The following DSTYK variants were observed in gnomAD, a reference collection of about 807,000 sequenced individuals.
DSTYK encodes RIP-homologous kinase.
Under a neutral mutation model 98.7 loss-of-function variants are expected in DSTYK, and 34 were observed. That is an observed-to-expected ratio of 0.34 (90% CI 0.26 to 0.46). The LOEUF is 0.46. Ranked by LOEUF, DSTYK falls within the 20% of genes least tolerant of loss-of-function variation. The pLI is 1.00. For missense variants in DSTYK, 962 were observed against 1,181.7 expected, an observed-to-expected ratio of 0.81 and a Z score of 2.73; for synonymous variants, 462 against 457.3, an observed-to-expected ratio of 1.01 and a Z score of -0.13.
chr1:205,197,467 T>G (rs962817546), intron 1 of DSTYK, among the ~76,000 whole-genome samples: 1 of 152,176 alleles, frequency 6.6e-6, no homozygotes, highest in Non-Finnish European at 1.5e-5. Context: ...CTTTTATTGT[T>G]CTCGCAACAC....
At position 205,187,660 on chromosome 1, in the gene DSTYK, G is replaced by A; in HGVS notation, c.412C>T (p.Pro138Ser). 1.2e-6 allele frequency: 2 copies of A among 1,614,202 alleles called. No individual in the cohort carries two copies. Among genetic ancestry groups the A allele is most frequent in the Non-Finnish European group, 1.7e-6 (2 of 1,180,038 alleles). ...TCCTCACTGCCCAGCTTGGTGGTGG[G>A]AAGCACCTGCACCCCCAACAGCAGA... ...LNLLLGVQVL[P>S]TTKLGSEESC... Residue 138 changes from proline to serine, a missense_variant, in exon 2 of 13, where the codon CCC becomes TCC. Physicochemically the swap from Pro to Ser is moderately conservative, Grantham distance 74. This residue lies in a region of DSTYK where 660 missense variants were observed against 855.0 expected (regional missense o/e 0.77). Transcript: ENST00000367162.
rs750177698 is a variant in DSTYK at position 205,190,445 on chromosome 1, C to T, written c.266-2639G>A. 9.2e-4 allele frequency among the ~76,000 whole-genome samples: 140 copies of T among 151,834 alleles called. 1 individual carries two copies. Among genetic ancestry groups the T allele is most frequent in the Non-Finnish European group, 1.8e-3 (124 of 67,932 alleles). ...TCCGAAACCAGCCTGGCCAACATGG[C>T]GAAACCCTGATTCTATTAAAAATAC... is the stretch of plus-strand genomic sequence containing the variant. On this transcript the variant is annotated intron_variant, in intron 1 of 12. Transcript: ENST00000367162.
In DSTYK at chr1:205,144,617, T is replaced by A. The variant is rs1657169698; in HGVS notation, c.*2941A>T. 6.6e-6 allele frequency: 1 copy of A among 152,664 alleles called. No individual in the cohort carries two copies. Among genetic ancestry groups the A allele is most frequent in the South Asian group, 2.1e-4 (1 of 4,836 alleles). 9.5% of individuals were successfully genotyped at this position (152,664 alleles called of 1,614,324 possible). On this transcript the variant is annotated 3_prime_UTR_variant, in exon 13 of 13. Transcript: ENST00000367162. ...ACACGTATACCTGCACTCAGCCTGC[T>A]GAGTATTTAAATAACATCCCCAAAT... is the stretch of plus-strand genomic sequence containing the variant.
At chr1:205,211,223 T>A (rs535260455) in intron 1 of DSTYK, 48 bp downstream of exon 1, 3 of 1,537,868 alleles carry the variant, frequency 2.0e-6, no homozygotes, top group Non-Finnish European at 2.6e-6. Flanking sequence ...CGGTCCGTCC[T>A]CCGATTTGCC....
chr1:205,199,397 A>G (rs947219298), intron 1 of DSTYK, among the ~76,000 whole-genome samples: 1 of 152,196 alleles, frequency 6.6e-6, no homozygotes, highest in Non-Finnish European at 1.5e-5. Flanking sequence ...CTTTCCCTCC[A>G]AGAGTTTTGG....
At chr1:205,190,635 A>AC (rs1658684381) in intron 1 of DSTYK, among the ~76,000 whole-genome samples, 1 of 151,172 alleles carries the variant, frequency 6.6e-6, no homozygotes, top group Middle Eastern at 3.4e-3. Flanking sequence ...AAAAAAAAAA[A>AC]AACCCAAGAG....
rs898189458 is a variant in DSTYK, at chr1:205,211,544, C to T, written c.-9G>A. 18 of 1,504,136 alleles carry T rather than the reference C, an allele frequency of 1.2e-5. No individual in the cohort carries two copies. Among genetic ancestry groups the T allele is most frequent in the African/African-American group, 5.7e-5 (4 of 69,830 alleles). 93.2% of individuals were successfully genotyped at this position (1,504,136 alleles called of 1,614,324 possible). On this transcript the variant is annotated 5_prime_UTR_variant, in exon 1 of 13. Transcript: ENST00000367162. ...ACCCCGTCGCCCTCCATCGCCTCTG[C>T]CCGCTCTGTCTTTGCGGCTCGGTCC...
chr1:205,155,284 C>T (rs1035411813), intron 10 of DSTYK, among the ~76,000 whole-genome samples: 3 of 151,876 alleles, frequency 2.0e-5, no homozygotes, highest in Admixed American at 6.6e-5. Flanking sequence ...ATACCCACCC[C>T]GGAAGAAATT....
chr1:205,153,531 C>T (rs377433786), intron 10 of DSTYK, among the ~76,000 whole-genome samples: 3 of 152,064 alleles, frequency 2.0e-5, no homozygotes, highest in African/African-American at 7.2e-5. Flanking sequence ...ATATTTAGGG[C>T]AACTGAACAT....
At chr1:205,184,660 C>A (rs1161928682) in intron 2 of DSTYK, among the ~76,000 whole-genome samples, 10 of 152,024 alleles carry the variant, frequency 6.6e-5, no homozygotes, top group Admixed American at 6.6e-4. Context: ...CATTCTATTG[C>A]CCAAGTGTTG....
chr1:205,207,267 T>A (rs1471940209), intron 1 of DSTYK, among the ~76,000 whole-genome samples: 1 of 150,662 alleles, frequency 6.6e-6, no homozygotes, highest in African/African-American at 2.4e-5. Context: ...TTAGTAGAGA[T>A]GGGGTTTCAC....
At chr1:205,198,683 G>C (rs1273325833) in intron 1 of DSTYK, among the ~76,000 whole-genome samples, 1 of 151,704 alleles carries the variant, frequency 6.6e-6, no homozygotes, top group Non-Finnish European at 1.5e-5. Context: ...TTTGTGATAG[G>C]GCCTTAGTCT....
chr1:205,197,537 A>C (rs1361519688), intron 1 of DSTYK, among the ~76,000 whole-genome samples: 1 of 152,152 alleles, frequency 6.6e-6, no homozygotes, highest in Non-Finnish European at 1.5e-5. Flanking sequence ...TATACCTAGC[A>C]AAGCGTATCC....
chr1:205,185,954 C>T (rs549892482), intron 2 of DSTYK, among the ~76,000 whole-genome samples: 2 of 151,894 alleles, frequency 1.3e-5, no homozygotes, highest in Non-Finnish European at 2.9e-5. Flanking sequence ...ACCCAGGAAG[C>T]GGAGATTGCA....
chr1:205,201,624 T>G (rs934345029), intron 1 of DSTYK, among the ~76,000 whole-genome samples: 2 of 152,180 alleles, frequency 1.3e-5, no homozygotes, highest in African/African-American at 4.8e-5. Flanking sequence ...TGGAAATAAT[T>G]TAACAGATAT....
chr1:205,153,098 T>C (rs1657450934), intron 10 of DSTYK, among the ~76,000 whole-genome samples: 1 of 152,198 alleles, frequency 6.6e-6, no homozygotes. Context: ...TAGTTTCCTT[T>C]CCTAAAGGTC....
chr1:205,175,555 A>T (rs1658203868), intron 2 of DSTYK, among the ~76,000 whole-genome samples: 1 of 152,102 alleles, frequency 6.6e-6, no homozygotes, highest in Non-Finnish European at 1.5e-5. Context: ...GCTGGCAGAG[A>T]CCCTGGCAGC....
At position 205,148,344 on chromosome 1, in the gene DSTYK, T is replaced by G; in HGVS notation, c.2468-5A>C. The stretch of plus-strand genomic sequence containing the variant: ...CCACGGAATTATCGTACTTCCCTGA[T>G]GGCAAGAAAGGATGAAACGTAATGA... On this transcript the variant is annotated splice_region_variant and splice_polypyrimidine_tract_variant and intron_variant, in intron 11 of 12. Transcript: ENST00000367162. 1 of 1,613,464 alleles carries G rather than the reference T, an allele frequency of 6.2e-7. No individual in the cohort carries two copies. Among genetic ancestry groups the G allele is most frequent in the South Asian group, 1.1e-5 (1 of 91,078 alleles).
At chr1:205,202,890 A>G (rs987678972) in intron 1 of DSTYK, 13 of 326,902 alleles carry the variant, frequency 4.0e-5, no homozygotes, top group Non-Finnish European at 6.8e-5. Flanking sequence ...TTATTTCTGT[A>G]ACTTTTTTTT....
Sources: gnomAD v4.1 joint callset for allele counts (sites outside exome capture counted in the v4.1 genomes callset) on GRCh38, gnomAD v4.1.1 for gene constraint, gnomAD v4.1.1 regional missense constraint, MANE v1.5 for transcripts, NCBI Gene and HGNC (gene_info 2026-07-23, HGNC 2026-07-21) for gene names.